Variants in FAM107B observed in about 807,000 individuals in gnomAD.
The protein encoded by FAM107B is protein FAM107B.
In FAM107B, 21 loss-of-function variants were observed where a neutral mutation model predicts 31.5. The ratio of observed to expected loss-of-function variants is 0.67; its 90% CI spans 0.47 to 0.96. The LOEUF (loss-of-function observed/expected upper bound fraction) is 0.96, where lower values mean the gene tolerates loss of function less well. FAM107B is among the 40% of genes least tolerant of loss of function. The pLI is 0.00. For synonymous variants in FAM107B, 157 were observed against 141.5 expected (o/e 1.11, Z -0.78); for missense variants, 452 against 377.1 (o/e 1.20, Z -1.64).
intron 1 of FAM107B, among the ~76,000 whole-genome samples, chr10:14,737,898 C>T (rs926325592): frequency 1.4e-4 from 21 of 151,698 alleles, no homozygotes; most frequent in African/African-American, 4.6e-4. Flanking sequence ...TGACTGGTGA[C>T]GATGTTATAC....
intron 2 of FAM107B, among the ~76,000 whole-genome samples, chr10:14,583,105 G>GA (rs1306266827): frequency 1.4e-5 from 2 of 143,298 alleles, no homozygotes; most frequent in Non-Finnish European, 3.1e-5. Context: ...AAAAAAAAAA[G>GA]AAAAGAAAGA....
intron 2 of FAM107B, among the ~76,000 whole-genome samples, chr10:14,627,828 C>G (rs1455378774): frequency 6.6e-6 from 1 of 151,828 alleles, no homozygotes; most frequent in Non-Finnish European, 1.5e-5. Flanking sequence ...TTGGTTGAAT[C>G]CAACGAGAGA....
chr10:14,743,340 G>A (rs1832661126), intron 1 of FAM107B, among the ~76,000 whole-genome samples: 1 of 152,054 alleles, frequency 6.6e-6, no homozygotes, highest in South Asian at 2.1e-4. Flanking sequence ...TTCTTTTGCT[G>A]TGCAAAAGCT....
At chr10:14,714,781 C>T (rs951104105) in intron 1 of FAM107B, among the ~76,000 whole-genome samples, 5 of 152,108 alleles carry the variant, frequency 3.3e-5, no homozygotes, top group Admixed American at 2.0e-4. Flanking sequence ...CTCAAAATAG[C>T]GACAGAGGCC....
intron 2 of FAM107B, among the ~76,000 whole-genome samples, chr10:14,663,700 T>C (rs1209620114): frequency 6.6e-6 from 1 of 152,096 alleles, no homozygotes; most frequent in Non-Finnish European, 1.5e-5. Context: ...TTCAATCACC[T>C]ACTAAGAAAG....
chr10:14,653,915 T>C (rs1853969218), intron 2 of FAM107B: 1 of 152,206 alleles, frequency 6.6e-6, no homozygotes, highest in African/African-American at 2.4e-5. Context: ...AACACAACAC[T>C]GTCCACACAA....
At chr10:14,720,252 G>A (rs758697586) in intron 1 of FAM107B, among the ~76,000 whole-genome samples, 124 of 152,048 alleles carry the variant, frequency 8.2e-4, no homozygotes, top group Non-Finnish European at 5.0e-4. Context: ...TATGTTTTTT[G>A]GTAATTTTTT....
chr10:14,718,812 G>C (rs137944757), intron 1 of FAM107B, among the ~76,000 whole-genome samples: 300 of 152,310 alleles, frequency 2.0e-3, no homozygotes, highest in African/African-American at 6.8e-3. Context: ...TGCTGGTTCT[G>C]TTCATTGCAG....
chr10:14,689,705 A>T (rs1855081069), intron 1 of FAM107B, among the ~76,000 whole-genome samples: 1 of 152,194 alleles, frequency 6.6e-6, no homozygotes, highest in Admixed American at 6.5e-5. Context: ...TCACACCTGT[A>T]ATCCCAGCAT....
At chr10:14,636,317 G>A (rs191404194) in intron 2 of FAM107B, among the ~76,000 whole-genome samples, 22 of 150,206 alleles carry the variant, frequency 1.5e-4, no homozygotes, top group South Asian at 8.4e-4. Flanking sequence ...ATGTGAGAGA[G>A]AGAGCAAGTG....
chr10:14,699,856 G>A (rs1378472400), intron 1 of FAM107B, among the ~76,000 whole-genome samples: 1 of 152,260 alleles, frequency 6.6e-6, no homozygotes, highest in African/African-American at 2.4e-5. Context: ...TCTGGCGACA[G>A]ATTACAGGCT....
chr10:14,774,830 G>C lies in FAM107B; in HGVS notation c.-167C>G, dbSNP rs1833385696. On this transcript the variant is annotated 5_prime_UTR_variant, in exon 1 of 5. Coordinates refer to ENST00000181796, the MANE Select transcript of FAM107B (RefSeq NM_031453.4). ...GGGATGGCAAGGCCACCTTCCCTGA[G>C]AGTCACTTAGCCGCTGGGGCCCCTT... 9.5e-6 allele frequency: 7 copies of C among 740,560 alleles called. No individual in the cohort carries two copies. Among genetic ancestry groups the C allele is most frequent in the Non-Finnish European group, 1.5e-5 (7 of 467,650 alleles). 45.9% of individuals were successfully genotyped at this position (740,560 alleles called of 1,614,324 possible).
rs562574196 is a variant in FAM107B, at chr10:14,561,212, G to T, written c.470-30697C>A. ...CCAGGCACTGTTCACAACAACATGG[G>T]CCTAGCAGCAAAGGACACAAAGCCA... On this transcript the variant is annotated intron_variant, in intron 2 of 4. Transcript: ENST00000181796. 2.6e-5 allele frequency among the ~76,000 whole-genome samples: 4 copies of T among 152,316 alleles called. No individual in the cohort carries two copies. The South Asian group carries it at 8.3e-4, about 32-fold the overall frequency.
intron 1 of FAM107B, among the ~76,000 whole-genome samples, chr10:14,706,800 G>T (rs1855530826): frequency 6.6e-6 from 1 of 152,096 alleles, no homozygotes; most frequent in Non-Finnish European, 1.5e-5. Context: ...AGCCATCGTG[G>T]TGGTCTTTTG....
intron 2 of FAM107B, among the ~76,000 whole-genome samples, chr10:14,572,782 T>C (rs1851323406): frequency 7.2e-6 from 1 of 138,548 alleles, no homozygotes; most frequent in Non-Finnish European, 1.6e-5. Flanking sequence ...TGTATATATG[T>C]TATGTATAGG....
chr10:14,530,430 G>C lies in FAM107B; in HGVS notation c.555C>G (p.Asp185Glu), dbSNP rs1236219329. Residue 185 changes from aspartate to glutamate, a missense_variant, in exon 3 of 5, where the codon GAC becomes GAG. By Grantham distance (45) the Asp-to-Glu change is conservative. Transcript: ENST00000181796. ...TCTGAGGCCTAATGAGTTCAGGATT[G>C]TCATCTTCTATGTAGTCTGGCTCGG... is the stretch of plus-strand genomic sequence containing the variant. ...IMAEPDYIEDDNPELIRPQKL... is the reference protein window; with the variant it reads ...IMAEPDYIEDENPELIRPQKL... 6.2e-7 allele frequency: 1 copy of C among 1,613,980 alleles called. No homozygotes were observed. Among genetic ancestry groups the C allele is most frequent in the Non-Finnish European group, 8.5e-7 (1 of 1,180,026 alleles).
chr10:14,700,285 C>A (rs768468523), intron 1 of FAM107B, among the ~76,000 whole-genome samples: 1 of 151,974 alleles, frequency 6.6e-6, no homozygotes, highest in Non-Finnish European at 1.5e-5. Context: ...GGGAGAGTGG[C>A]GAACTAAATG....
chr10:14,738,389 T>TGG (rs1167931912), intron 1 of FAM107B, among the ~76,000 whole-genome samples: 1 of 152,168 alleles, frequency 6.6e-6, no homozygotes, highest in Non-Finnish European at 1.5e-5. Flanking sequence ...AATCAGTTAT[T>TGG]GACTAGAAAG....
intron 2 of FAM107B, among the ~76,000 whole-genome samples, chr10:14,617,881 T>C (rs2131398376): frequency 6.6e-6 from 1 of 152,248 alleles, no homozygotes; most frequent in African/African-American, 2.4e-5. Context: ...TGCTTGAAGC[T>C]GGGAGGTGGG....
Sources: allele counts gnomAD v4.1 joint callset (sites outside exome capture counted in the v4.1 genomes callset), GRCh38; gene constraint gnomAD v4.1.1; transcripts MANE v1.5; gene names NCBI Gene and HGNC (gene_info 2026-07-23, HGNC 2026-07-21).